The following DCAF8L2 variants were observed in gnomAD, a reference collection of about 807,000 sequenced individuals.
DCAF8L2 encodes the protein DDB1- and CUL4-associated factor 8-like protein 2.
For missense variants in DCAF8L2, 430 were observed against 490.7 expected, an observed-to-expected ratio of 0.88 and a Z score of 1.17; for synonymous variants, 200 against 190.9, an observed-to-expected ratio of 1.05 and a Z score of -0.39.
intron 1 of DCAF8L2, among the ~76,000 whole-genome samples, chrX:27,599,712 G>A (rs780382177): frequency 6.3e-5 from 7 of 110,486 alleles, no homozygotes; most frequent in African/African-American, 2.3e-4. Flanking sequence ...ATTTGCCCCC[G>A]CCCCGTGCAC....
intron 1 of DCAF8L2, among the ~76,000 whole-genome samples, chrX:27,621,954 T>C (rs1927780507): frequency 9.1e-6 from 1 of 109,804 alleles, no homozygotes; most frequent in African/African-American, 3.3e-5. Context: ...GGTTGCACCA[T>C]GCAATCCAGC....
At chrX:27,744,430 A>G (rs1008739774) in intron 4 of DCAF8L2, among the ~76,000 whole-genome samples, 3 of 111,565 alleles carry the variant, frequency 2.7e-5, no homozygotes, top group African/African-American at 9.8e-5. Context: ...TTTAAATTGT[A>G]TACACCATTA....
At chrX:27,648,794 G>A (rs986636826) in intron 2 of DCAF8L2, among the ~76,000 whole-genome samples, 2 of 111,095 alleles carry the variant, frequency 1.8e-5, no homozygotes, top group South Asian at 3.7e-4. Flanking sequence ...ATAATAAGCC[G>A]AAGTAGGATT....
At chrX:27,569,960 T>C in the DCAF8L2 span, among the ~76,000 whole-genome samples, 73 of 112,096 alleles carry the variant, frequency 6.5e-4, no homozygotes, top group African/African-American at 2.1e-3. Flanking sequence ...GGTTGAATCA[T>C]ATAAAAATTG....
chrX:27,732,129 T>A (rs1921241094), intron 4 of DCAF8L2, among the ~76,000 whole-genome samples: 1 of 111,821 alleles, frequency 8.9e-6, no homozygotes, highest in Non-Finnish European at 1.9e-5. Context: ...TAGTTACCCT[T>A]ATTTGTGATA....
At chrX:27,593,208 T>C (rs769824039) in intron 1 of DCAF8L2, among the ~76,000 whole-genome samples, 1 of 111,755 alleles carries the variant, frequency 8.9e-6, no homozygotes, top group South Asian at 3.7e-4. Context: ...TCATCATCTG[T>C]ACCCGTCACA....
the DCAF8L2 span, among the ~76,000 whole-genome samples, chrX:27,527,786 G>A: frequency 9.2e-6 from 1 of 108,587 alleles, no homozygotes; most frequent in South Asian, 4.0e-4. Flanking sequence ...CAAGTAGCTG[G>A]GACTACAGGT....
At chrX:27,678,406 C>A (rs1313548915) in intron 3 of DCAF8L2, among the ~76,000 whole-genome samples, 1 of 111,286 alleles carries the variant, frequency 9.0e-6, no homozygotes, top group Non-Finnish European at 1.9e-5. Context: ...GCATTATTCA[C>A]AGTAGCCAAA....
chrX:27,684,538 T>C (rs1017506167), intron 3 of DCAF8L2, among the ~76,000 whole-genome samples: 1 of 111,750 alleles, frequency 8.9e-6, no homozygotes, highest in Admixed American at 9.5e-5. Context: ...GTCCAGAGAC[T>C]GATAGCATAT....
chrX:27,565,179 C>G, the DCAF8L2 span, among the ~76,000 whole-genome samples: 4 of 110,648 alleles, frequency 3.6e-5, no homozygotes, highest in Non-Finnish European at 7.6e-5. Context: ...ATGACATTAG[C>G]TGTGGGTTAT....
chrX:27,696,270 GA>G (rs1238262907), intron 3 of DCAF8L2, among the ~76,000 whole-genome samples: 510 of 13,468 alleles, frequency 0.038, 1 homozygote, highest in Non-Finnish European at 0.051. Flanking sequence ...GAGAGAGAGA[GA>G]AAGAAAGAAA....
the DCAF8L2 span, among the ~76,000 whole-genome samples, chrX:27,535,497 AGCCCACTACTG>A: frequency 8.9e-6 from 1 of 112,081 alleles, no homozygotes; most frequent in South Asian, 3.7e-4. Context: ...ATTCTTCAGT[AGCCCACTACTG>A]GCTATAGGAA....
intron 1 of DCAF8L2, among the ~76,000 whole-genome samples, chrX:27,608,099 T>A (rs922974417): frequency 9.0e-6 from 1 of 111,653 alleles, no homozygotes; most frequent in African/African-American, 3.2e-5. Context: ...AATTTAAATC[T>A]TTGTTATGTT....
chrX:27,598,686 G>C (rs979498279), intron 1 of DCAF8L2, among the ~76,000 whole-genome samples: 3 of 111,292 alleles, frequency 2.7e-5, no homozygotes, highest in East Asian at 2.8e-4. Context: ...CCCTTTGTTC[G>C]GGGCTCAGAC....
chrX:27,584,111 A>G, the DCAF8L2 span, among the ~76,000 whole-genome samples: 14 of 111,686 alleles, frequency 1.3e-4, no homozygotes, highest in East Asian at 3.7e-3. Flanking sequence ...TGGTAATCTT[A>G]CTACATTTTT....
At chrX:27,609,970 C>CT (rs1927081033) in intron 1 of DCAF8L2, among the ~76,000 whole-genome samples, 1 of 111,933 alleles carries the variant, frequency 8.9e-6, no homozygotes, top group South Asian at 3.7e-4. Context: ...AATTTACACT[C>CT]TGTTACAATA....
At chrX:27,562,102 C>T in the DCAF8L2 span, among the ~76,000 whole-genome samples, 60 of 112,138 alleles carry the variant, frequency 5.4e-4, no homozygotes, top group Non-Finnish European at 7.3e-4. Flanking sequence ...TATAACCATC[C>T]TGAGTGTGAA....
the DCAF8L2 span, among the ~76,000 whole-genome samples, chrX:27,584,174 T>C: frequency 8.9e-6 from 1 of 111,768 alleles, no homozygotes; most frequent in African/African-American, 3.3e-5. Flanking sequence ...AACCACAGCT[T>C]TCTCATCTTC....
At chrX:27,713,548 T>A (rs1336526208) in intron 3 of DCAF8L2, among the ~76,000 whole-genome samples, 2 of 111,413 alleles carry the variant, frequency 1.8e-5, no homozygotes, top group East Asian at 5.6e-4. Context: ...GGGGCAGTAA[T>A]TGAAGGAGAA....
Sources: gnomAD v4.1 joint callset for allele counts (sites outside exome capture counted in the v4.1 genomes callset) on GRCh38, gnomAD v4.1.1 for gene constraint, MANE v1.5 for transcripts, NCBI Gene and HGNC (gene_info 2026-07-23, HGNC 2026-07-21) for gene names.